Variants in MAF observed in about 807,000 individuals in gnomAD.
The protein encoded by MAF is MAF bZIP transcription factor.
In MAF, 10 loss-of-function variants were observed where a neutral mutation model predicts 22.0. The ratio of observed to expected loss-of-function variants is 0.45; its 90% CI spans 0.28 to 0.77. The LOEUF is 0.77. MAF is among the 30% of genes least tolerant of loss of function. The pLI is 0.12. For synonymous variants in MAF, 337 were observed against 255.8 expected (o/e 1.32, Z -3.03); for missense variants, 544 against 548.4 (o/e 0.99, Z 0.08).
chr16:79,478,879 T>C, the MAF span, among the ~76,000 whole-genome samples: 2 of 152,042 alleles, frequency 1.3e-5, no homozygotes, highest in Non-Finnish European at 2.9e-5. Flanking sequence ...TATACCATCT[T>C]AGTGCATCTG....
rs751910421 is a variant in MAF, at chr16:79,594,098, A to G, written c.*362T>C. 2 of 304,024 alleles carry G rather than the reference A, an allele frequency of 6.6e-6. No homozygotes were observed. Among genetic ancestry groups the G allele is most frequent in the Non-Finnish European group, 1.3e-5 (2 of 159,846 alleles). The allele number at this position is 304,024 out of a possible 1,614,324, so 18.8% of individuals were successfully genotyped here. ...AGTACTATTTAGAATGTGCATGCCT[A>G]TATATGATTTTAAAATGCTAATTGT... On this transcript the variant is annotated 3_prime_UTR_variant, in exon 2 of 2. Coordinates refer to ENST00000326043, the MANE Select transcript of MAF (RefSeq NM_005360.5).
At chr16:79,326,823 T>G in the MAF span, among the ~76,000 whole-genome samples, 1 of 152,182 alleles carries the variant, frequency 6.6e-6, no homozygotes, top group African/African-American at 2.4e-5. Flanking sequence ...AATTGGCAAA[T>G]ATCACCAGTA....
chr16:79,215,234 G>A, the MAF span, among the ~76,000 whole-genome samples: 2 of 152,096 alleles, frequency 1.3e-5, no homozygotes, highest in Non-Finnish European at 2.9e-5. Flanking sequence ...ATCCATTCTG[G>A]TAGGATGCAC....
At chr16:79,210,566 C>G in the MAF span, among the ~76,000 whole-genome samples, 2 of 152,092 alleles carry the variant, frequency 1.3e-5, no homozygotes, top group East Asian at 3.9e-4. Context: ...TCTTGCAACC[C>G]CTCTCCCTCT....
At chr16:79,503,805 C>A in the MAF span, among the ~76,000 whole-genome samples, 7 of 152,160 alleles carry the variant, frequency 4.6e-5, no homozygotes, top group Non-Finnish European at 7.3e-5. Flanking sequence ...ATGGTTACTC[C>A]GTAGTCTTGA....
At chr16:79,244,608 G>A in the MAF span, among the ~76,000 whole-genome samples, 455 of 152,192 alleles carry the variant, frequency 3.0e-3, 10 homozygotes, top group Admixed American at 0.023. Context: ...CTCATGAGTA[G>A]GAAGAATCAA....
At chr16:79,534,913 C>A in the MAF span, among the ~76,000 whole-genome samples, 1 of 152,114 alleles carries the variant, frequency 6.6e-6, no homozygotes, top group Non-Finnish European at 1.5e-5. Context: ...TCATCTTTCT[C>A]AGCTTCAGTT....
At chr16:79,519,928 G>A in the MAF span, among the ~76,000 whole-genome samples, 11 of 152,342 alleles carry the variant, frequency 7.2e-5, no homozygotes, top group South Asian at 2.1e-4. Flanking sequence ...CCGGGACAGC[G>A]CATGTTTGTC....
At chr16:79,512,882 C>A in the MAF span, among the ~76,000 whole-genome samples, 1 of 152,124 alleles carries the variant, frequency 6.6e-6, no homozygotes, top group Non-Finnish European at 1.5e-5. Context: ...ACATTCCACA[C>A]GTGCTGTATA....
chr16:79,471,958 T>C, the MAF span, among the ~76,000 whole-genome samples: 1 of 152,204 alleles, frequency 6.6e-6, no homozygotes, highest in Non-Finnish European at 1.5e-5. Flanking sequence ...TTCTCCCTCA[T>C]GCGTAAGACA....
the MAF span, among the ~76,000 whole-genome samples, chr16:79,208,801 T>A: frequency 6.6e-6 from 1 of 152,188 alleles, no homozygotes; most frequent in Non-Finnish European, 1.5e-5. Flanking sequence ...CATCTGATCA[T>A]ATTAAGATGT....
At chr16:79,511,093 C>T in the MAF span, among the ~76,000 whole-genome samples, 33 of 50,988 alleles carry the variant, frequency 6.5e-4, no homozygotes, top group East Asian at 0.014. Context: ...AGAATCTCCC[C>T]GCGCACAATG....
chr16:79,377,779 T>C, the MAF span, among the ~76,000 whole-genome samples: 4 of 152,208 alleles, frequency 2.6e-5, no homozygotes, highest in East Asian at 1.9e-4. Flanking sequence ...ATTGATTAAA[T>C]AGGGAATCCT....
At chr16:79,301,172 C>T in the MAF span, among the ~76,000 whole-genome samples, 1 of 152,102 alleles carries the variant, frequency 6.6e-6, no homozygotes, top group South Asian at 2.1e-4. Context: ...GAGAAGTGGC[C>T]CGCAGGTGTC....
At chr16:79,372,941 G>C in the MAF span, among the ~76,000 whole-genome samples, 1 of 152,102 alleles carries the variant, frequency 6.6e-6, no homozygotes, top group Admixed American at 6.5e-5. Context: ...AATGCCCTTT[G>C]TTATCTCCTA....
chr16:79,413,700 A>T, the MAF span, among the ~76,000 whole-genome samples: 3 of 152,298 alleles, frequency 2.0e-5, no homozygotes, highest in South Asian at 6.2e-4. Flanking sequence ...CCATTGTGGG[A>T]TCAGGTGCCT....
chr16:79,295,630 GTTAAC>G, the MAF span, among the ~76,000 whole-genome samples: 1 of 152,194 alleles, frequency 6.6e-6, no homozygotes, highest in African/African-American at 2.4e-5. Flanking sequence ...GGCTAAATTT[GTTAAC>G]TTAACCTGAC....
the MAF span, among the ~76,000 whole-genome samples, chr16:79,393,854 G>C: frequency 2.1e-3 from 326 of 152,276 alleles, 3 homozygotes; most frequent in Non-Finnish European, 3.5e-3. Context: ...GGATGCAAAA[G>C]CAAGAAGCAA....
the MAF span, among the ~76,000 whole-genome samples, chr16:79,420,302 G>C: frequency 6.6e-6 from 1 of 152,164 alleles, no homozygotes; most frequent in Non-Finnish European, 1.5e-5. Context: ...AGGCCAACGT[G>C]GGACAGGGCA....
Sources: gnomAD v4.1 joint callset for allele counts (sites outside exome capture counted in the v4.1 genomes callset) on GRCh38, gnomAD v4.1.1 for gene constraint, MANE v1.5 for transcripts, NCBI Gene and HGNC (gene_info 2026-07-23, HGNC 2026-07-21) for gene names.